Variants in CCNY observed in about 807,000 individuals in gnomAD.
CCNY encodes cyclin-Y.
In CCNY, 19 loss-of-function variants were observed where a neutral mutation model predicts 42.8. The observed-to-expected ratio is 0.44, with a 90% CI of 0.31 to 0.65. The LOEUF (loss-of-function observed/expected upper bound fraction) is 0.65. CCNY is among the 30% of genes least tolerant of loss of function. The pLI is 0.07. For missense variants in CCNY, 370 were observed against 437.3 expected, an observed-to-expected ratio of 0.85 and a Z score of 1.37; for synonymous variants, 165 against 162.7, an observed-to-expected ratio of 1.01 and a Z score of -0.11.
intron 1 of CCNY, among the ~76,000 whole-genome samples, chr10:35,368,636 G>C (rs1000125625): frequency 1.3e-5 from 2 of 152,184 alleles, no homozygotes; most frequent in African/African-American, 2.4e-5. Context: ...ACTCCTCCTG[G>C]GGGTGTCAGC....
intron 3 of CCNY, among the ~76,000 whole-genome samples, chr10:35,282,287 A>G (rs1479935228): frequency 1.3e-5 from 2 of 151,904 alleles, no homozygotes; most frequent in East Asian, 3.9e-4. Context: ...ATGCCAGACT[A>G]TTTTTAAAAA....
chr10:35,280,998 C>T lies in CCNY; in HGVS notation c.-9+30372C>T, dbSNP rs1053846060. 6.6e-5 allele frequency among the ~76,000 whole-genome samples: 10 copies of T among 152,180 alleles called. No homozygotes were observed. In the South Asian group the frequency reaches 1.4e-3, roughly 22 times the overall value. On this transcript the variant is annotated intron_variant, in intron 3 of 11. Transcript: ENST00000374706. Reference sequence around the variant, plus strand: ...TGGCCAAAAAGCACACGAAAAGTTGCTCTACCTCATTAGTCATCAGGGAAA... The same window carrying T: ...TGGCCAAAAAGCACACGAAAAGTTGTTCTACCTCATTAGTCATCAGGGAAA...
chr10:35,383,128 G>A (rs988772593), intron 1 of CCNY, among the ~76,000 whole-genome samples: 1 of 152,136 alleles, frequency 6.6e-6, no homozygotes, highest in Non-Finnish European at 1.5e-5. Context: ...CTACAGCTCC[G>A]ATGGGGAGAC....
intron 8 of CCNY, among the ~76,000 whole-genome samples, chr10:35,561,055 A>C (rs1841456053): frequency 6.6e-6 from 1 of 152,212 alleles, no homozygotes; most frequent in Non-Finnish European, 1.5e-5. Flanking sequence ...GGGCCTGGAC[A>C]GCCACCCAAG....
chr10:35,337,212 G>A lies in CCNY; in HGVS notation c.154+5G>A. The A allele has an allele frequency of 6.5e-7, 1 of 1,527,768 alleles. No individual in the cohort carries two copies. The highest frequency in any genetic ancestry group is 8.8e-7 in the Non-Finnish European group (1 of 1,135,476). The allele number at this position is 1,527,768 out of a possible 1,614,324, so 94.6% of individuals were successfully genotyped here. Reference sequence around the variant, plus strand: ...GCGACCGGGAGAACATAGACGGTGAGTGCGGCCCGCCGAGCCCCCTACCCG... The same window carrying A: ...GCGACCGGGAGAACATAGACGGTGAATGCGGCCCGCCGAGCCCCCTACCCG... On this transcript the variant is annotated splice_donor_5th_base_variant and intron_variant, in intron 1 of 9. Coordinates refer to ENST00000374704, the MANE Select transcript of CCNY (RefSeq NM_145012.6).
At chr10:35,474,161 G>A (rs1200353129) in intron 1 of CCNY, among the ~76,000 whole-genome samples, 3 of 152,122 alleles carry the variant, frequency 2.0e-5, no homozygotes, top group Non-Finnish European at 2.9e-5. Context: ...ACGGAGTCTC[G>A]CTGACTGCTA....
chr10:35,398,196 A>G (rs1169047274), intron 1 of CCNY, among the ~76,000 whole-genome samples: 1 of 152,182 alleles, frequency 6.6e-6, no homozygotes, highest in Non-Finnish European at 1.5e-5. Flanking sequence ...CCTGGAGCCT[A>G]GGGCCCCGAC....
At chr10:35,410,146 A>G (rs1837872408) in intron 1 of CCNY, among the ~76,000 whole-genome samples, 1 of 152,154 alleles carries the variant, frequency 6.6e-6, no homozygotes, top group Non-Finnish European at 1.5e-5. Context: ...AGACAGACAC[A>G]TGGTAAGCAC....
chr10:35,290,222 T>TCACACACACACACACACA (rs368209050), intron 3 of CCNY, among the ~76,000 whole-genome samples: 89 of 122,954 alleles, frequency 7.2e-4, no homozygotes, highest in African/African-American at 2.3e-3. Context: ...CAAGACTCCA[T>TCACACACACACACACACA]CACACACACA....
intron 3 of CCNY, among the ~76,000 whole-genome samples, chr10:35,513,626 C>T (rs1840366733): frequency 6.6e-6 from 1 of 152,128 alleles, no homozygotes; most frequent in African/African-American, 2.4e-5. Context: ...TAGGGTCTGT[C>T]ATTTTCATCT....
intron 1 of CCNY, among the ~76,000 whole-genome samples, chr10:35,437,353 A>G (rs1046785586): frequency 6.6e-6 from 1 of 152,234 alleles, no homozygotes; most frequent in Admixed American, 6.5e-5. Context: ...ATCAACATTC[A>G]TAGAACACTT....
At chr10:35,384,361 G>C (rs1024475821) in intron 1 of CCNY, among the ~76,000 whole-genome samples, 1 of 152,122 alleles carries the variant, frequency 6.6e-6, no homozygotes, top group African/African-American at 2.4e-5. Flanking sequence ...GAGAAAAGGA[G>C]CAGGTAGGGG....
chr10:35,347,911 A>G (rs1836341856), intron 1 of CCNY, among the ~76,000 whole-genome samples: 1 of 152,218 alleles, frequency 6.6e-6, no homozygotes, highest in Non-Finnish European at 1.5e-5. Context: ...TCGTCTGTGT[A>G]TCCTGTCAAA....
At chr10:35,408,519 A>C (rs374535991) in intron 1 of CCNY, among the ~76,000 whole-genome samples, 10 of 151,174 alleles carry the variant, frequency 6.6e-5, no homozygotes, top group African/African-American at 2.5e-4. Context: ...GGAGAATTAC[A>C]AAGAACCTTC....
rs78002403 is a variant in CCNY, at chr10:35,500,489, G to A, written c.230-1012G>A. The stretch of plus-strand genomic sequence containing the variant: ...AACAGTAGTGAATCTTCTTTGCAGA[G>A]GCATGGACTGTAAGGAGAAAACCTT... On this transcript the variant is annotated intron_variant, in intron 2 of 9. Transcript: ENST00000374704. 5.0e-3 allele frequency among the ~76,000 whole-genome samples: 761 copies of A among 152,326 alleles called. 6 individuals carry two copies. The highest frequency in any genetic ancestry group is 0.01 in the Middle Eastern group (3 of 294).
At chr10:35,372,378 C>T (rs1036657003) in intron 1 of CCNY, among the ~76,000 whole-genome samples, 5 of 152,250 alleles carry the variant, frequency 3.3e-5, no homozygotes, top group Non-Finnish European at 4.4e-5. Context: ...AGTCAGTCTT[C>T]TGTGGTCTTA....
At chr10:35,540,806 C>T (rs1195334559) in intron 7 of CCNY, among the ~76,000 whole-genome samples, 1 of 152,164 alleles carries the variant, frequency 6.6e-6, no homozygotes, top group Non-Finnish European at 1.5e-5. Flanking sequence ...TGTTGTCATG[C>T]AGTTGTTCCA....
At chr10:35,314,806 G>C (rs1367950082) in intron 3 of CCNY, 1 of 152,034 alleles carries the variant, frequency 6.6e-6, no homozygotes, top group African/African-American at 2.4e-5. Context: ...CTTTTTGCCG[G>C]GCGCAGTGGC....
chr10:35,393,697 C>T (rs1376138781), intron 1 of CCNY, among the ~76,000 whole-genome samples: 1 of 152,160 alleles, frequency 6.6e-6, no homozygotes, highest in African/African-American at 2.4e-5. Context: ...CAGTAGATTT[C>T]CAGGCCATTT....
Sources: gnomAD v4.1 joint callset for allele counts (sites outside exome capture counted in the v4.1 genomes callset) on GRCh38, gnomAD v4.1.1 for gene constraint, MANE v1.5 for transcripts, NCBI Gene and HGNC (gene_info 2026-07-23, HGNC 2026-07-21) for gene names.